HTT: variants seen among roughly 807,000 people sequenced by gnomAD.
HTT encodes the protein huntingtin.
Under a neutral mutation model 362.3 loss-of-function variants are expected in HTT, and 104 were observed. That is an observed-to-expected ratio of 0.29 (90% CI 0.24 to 0.34). The LOEUF (loss-of-function observed/expected upper bound fraction) is 0.34. Ranked by LOEUF, HTT falls within the 10% of genes least tolerant of loss-of-function variation. The probability of loss-of-function intolerance (pLI) is 1.00; values close to 1 mark genes in which losing one functional copy is unlikely to be tolerated. For missense variants in HTT, 3,301 were observed against 3,928.6 expected, an observed-to-expected ratio of 0.84 and a Z score of 4.27; for synonymous variants, 1,577 against 1,548.7, an observed-to-expected ratio of 1.02 and a Z score of -0.43.
At chr4:3,234,275 G>A (rs1578615782) in intron 61 of HTT, among the ~76,000 whole-genome samples, 1 of 152,242 alleles carries the variant, frequency 6.6e-6, no homozygotes. Flanking sequence ...CTCATCAGGG[G>A]CCATTGCCCT....
intron 29 of HTT, among the ~76,000 whole-genome samples, chr4:3,170,071 T>C (rs900422175): frequency 3.3e-5 from 5 of 152,242 alleles, no homozygotes; most frequent in African/African-American, 1.2e-4. Context: ...TTGATACTCC[T>C]CGTTTTGGGT....
At chr4:3,166,914 C>A (rs541875896) in intron 29 of HTT, among the ~76,000 whole-genome samples, 1 of 152,402 alleles carries the variant, frequency 6.6e-6, no homozygotes, top group South Asian at 2.1e-4. Context: ...CAACACCCCG[C>A]CCTGCTTCGG....
intron 21 of HTT, among the ~76,000 whole-genome samples, chr4:3,139,890 A>G (rs1420816293): frequency 2.0e-5 from 3 of 152,256 alleles, no homozygotes; most frequent in African/African-American, 7.2e-5. Context: ...GAGAACTTTC[A>G]AAGTTGGTTT....
chr4:3,209,046 T>G (rs571032368), intron 46 of HTT, 135 bp downstream of exon 46: 1 of 983,618 alleles, frequency 1.0e-6, no homozygotes, highest in East Asian at 2.7e-5. Flanking sequence ...AGTGAAGCTG[T>G]GGTTAGAGAC....
intron 3 of HTT, among the ~76,000 whole-genome samples, chr4:3,103,320 G>A (rs1370810445): frequency 6.6e-6 from 1 of 150,626 alleles, no homozygotes; most frequent in African/African-American, 2.5e-5. Flanking sequence ...CGCCTCCCGG[G>A]TTCAAACTAT....
At chr4:3,226,009 A>G (rs1720893711) in intron 57 of HTT, among the ~76,000 whole-genome samples, 1 of 152,210 alleles carries the variant, frequency 6.6e-6, no homozygotes, top group African/African-American at 2.4e-5. Flanking sequence ...AGATGTGTGT[A>G]AGAGACAGTG....
intron 63 of HTT, 136 bp from the exon 64 acceptor site, chr4:3,236,013 C>T (rs1293102074): frequency 2.6e-6 from 2 of 763,754 alleles, no homozygotes. Flanking sequence ...TGGGCTGGGT[C>T]CTGGGCAAGC....
intron 21 of HTT, 63 bp downstream of exon 21, chr4:3,136,389 G>T: frequency 1.3e-6 from 1 of 796,844 alleles, no homozygotes; most frequent in Admixed American, 2.2e-5. Flanking sequence ...TACGAGAATG[G>T]AAAGAGAGGG....
At chr4:3,219,058 T>C (rs1720554481) in intron 52 of HTT, among the ~76,000 whole-genome samples, 1 of 152,226 alleles carries the variant, frequency 6.6e-6, no homozygotes, top group Non-Finnish European at 1.5e-5. Flanking sequence ...GTATTCCAGA[T>C]GGCGGGCTTA....
At chr4:3,179,168 C>T (rs1474319675) in intron 35 of HTT, among the ~76,000 whole-genome samples, 2 of 152,268 alleles carry the variant, frequency 1.3e-5, no homozygotes, top group Non-Finnish European at 2.9e-5. Flanking sequence ...TTCGACTCAG[C>T]GTGTGTGCAG....
chr4:3,198,132 T>C (rs1348105915), intron 40 of HTT, among the ~76,000 whole-genome samples: 3 of 152,128 alleles, frequency 2.0e-5, no homozygotes, highest in African/African-American at 7.2e-5. Context: ...TCTCAGGTTA[T>C]AGTTTAAGGC....
Position 3,125,649 on chromosome 4 carries a change from C to T in HTT, c.1402+20C>T, listed in dbSNP as rs753945016. The T allele has an allele frequency of 2.8e-5, 43 of 1,555,310 alleles. No homozygotes were observed. The highest frequency in any genetic ancestry group is 3.3e-5 in the Admixed American group (2 of 59,900). On this transcript the variant is annotated intron_variant, in intron 11 of 66. Coordinates refer to ENST00000355072, the MANE Select transcript of HTT (RefSeq NM_001388492.1). ...TAACAGGTAGTTCTCACTAGTTAGC[C>T]GCTGGTGTGGACCTTCACTGTCTGC...
At chr4:3,203,356 C>T (rs1313187140) in intron 41 of HTT, among the ~76,000 whole-genome samples, 3 of 152,198 alleles carry the variant, frequency 2.0e-5, no homozygotes, top group East Asian at 1.9e-4. Context: ...GGACGTCGCT[C>T]GGTCAGACCC....
At chr4:3,145,038 A>T in intron 23 of HTT, 114 bp from the exon 24 acceptor site, 1 of 823,258 alleles carries the variant, frequency 1.2e-6, no homozygotes, top group Non-Finnish European at 2.1e-6. Context: ...GTTATCATAC[A>T]CAGATCTCAG....
intron 50 of HTT, among the ~76,000 whole-genome samples, chr4:3,214,374 A>G (rs1314152271): frequency 6.6e-6 from 1 of 152,182 alleles, no homozygotes; most frequent in Non-Finnish European, 1.5e-5. Context: ...TTGAAGTTTC[A>G]GCTTTCATCA....
chr4:3,235,276 G>A lies in HTT; in HGVS notation c.8457-8G>A, dbSNP rs3025808. ...TGGCTGAGCCTGGATGCTGTCTCCC[G>A]TTTTCAGCTGCGTGAACATTCACAG... On this transcript the variant is annotated splice_polypyrimidine_tract_variant and splice_region_variant and intron_variant, in intron 61 of 66. Transcript: ENST00000355072. 52 of 1,601,972 alleles carry A rather than the reference G, an allele frequency of 3.2e-5. No homozygotes were observed. Among genetic ancestry groups the A allele is most frequent in the Non-Finnish European group, 3.8e-5 (45 of 1,169,496 alleles).
chr4:3,116,113 C>T lies in HTT; in HGVS notation c.918C>T (p.His306=), dbSNP rs767485420. Residue 306 remains histidine (H), a synonymous_variant, in exon 8 of 67, where the codon CAC becomes CAT. Coordinates refer to ENST00000355072, the MANE Select transcript of HTT (RefSeq NM_001388492.1). ...TACTCGTTCCTGTCGAGGATGAACA[C>T]TCCACTCTGCTGATTCTTGGCGTGC... ...LGLLVPVEDE[H]STLLILGVLL... is the part of the protein sequence containing the mutation. 2.5e-6 allele frequency: 4 copies of T among 1,613,076 alleles called. No individual in the cohort carries two copies. Among genetic ancestry groups the T allele is most frequent in the Admixed American group, 3.3e-5 (2 of 60,034 alleles).
intron 19 of HTT, 37 bp downstream of exon 19, chr4:3,134,577 G>A (rs777488566): frequency 6.3e-7 from 1 of 1,584,482 alleles, no homozygotes; most frequent in African/African-American, 1.3e-5. Flanking sequence ...CATGAACTAA[G>A]CTCAATTGAA....
intron 29 of HTT, among the ~76,000 whole-genome samples, chr4:3,171,757 G>T (rs967357240): frequency 6.6e-6 from 1 of 152,196 alleles, no homozygotes; most frequent in Non-Finnish European, 1.5e-5. Context: ...GATTACAGGC[G>T]TGAGCCACCA....
Sources: gnomAD v4.1 joint callset for allele counts (sites outside exome capture counted in the v4.1 genomes callset) on GRCh38, gnomAD v4.1.1 for gene constraint, MANE v1.5 for transcripts, NCBI Gene and HGNC (gene_info 2026-07-23, HGNC 2026-07-21) for gene names.